The following DLG2 variants were observed in gnomAD, a reference collection of about 807,000 sequenced individuals.
DLG2 encodes discs large MAGUK scaffold protein 2, also known as disks large homolog 2.
A neutral mutation model predicts 132.5 loss-of-function variants in DLG2; 45 were observed. The observed-to-expected ratio is 0.34, with a 90% confidence interval of 0.27 to 0.44. The LOEUF is 0.44. Ranked by LOEUF, DLG2 falls within the 20% of genes least tolerant of loss-of-function variation. DLG2 has a pLI of 1.00. For synonymous variants in DLG2, 424 were observed against 419.6 expected (o/e 1.01, Z -0.13); for missense variants, 1,045 against 1,196.9 (o/e 0.87, Z 1.87).
chr11:84,304,160 T>C (rs1343154754), intron 7 of DLG2, among the ~76,000 whole-genome samples: 1 of 152,166 alleles, frequency 6.6e-6, no homozygotes, highest in Non-Finnish European at 1.5e-5. Flanking sequence ...CAGTCATAAA[T>C]GCAGATAAGT....
intron 3 of DLG2, among the ~76,000 whole-genome samples, chr11:85,415,185 T>G (rs775213430): frequency 2.0e-5 from 3 of 152,174 alleles, no homozygotes; most frequent in African/African-American, 4.8e-5. Flanking sequence ...GCAAGGGGCA[T>G]GAACTCATCC....
intron 7 of DLG2, among the ~76,000 whole-genome samples, chr11:84,470,733 C>T (rs1434776120): frequency 6.6e-6 from 1 of 151,492 alleles, no homozygotes; most frequent in African/African-American, 2.4e-5. Context: ...TTTGAGATGG[C>T]TCGAGTGTGT....
At chr11:83,694,791 C>A (rs987179938) in intron 18 of DLG2, among the ~76,000 whole-genome samples, 1 of 152,180 alleles carries the variant, frequency 6.6e-6, no homozygotes, top group African/African-American at 2.4e-5. Flanking sequence ...GGTTTAACAA[C>A]GGAGCTGGAA....
At chr11:84,107,778 T>G (rs1173738086) in intron 9 of DLG2, among the ~76,000 whole-genome samples, 3 of 152,100 alleles carry the variant, frequency 2.0e-5, no homozygotes, top group African/African-American at 7.2e-5. Context: ...TTAGATGTCT[T>G]TACTCCATAT....
intron 6 of DLG2, among the ~76,000 whole-genome samples, chr11:84,753,349 G>A (rs1031217320): frequency 1.1e-4 from 16 of 152,264 alleles, no homozygotes; most frequent in Non-Finnish European, 5.9e-5. Flanking sequence ...CATAGTGTAG[G>A]TGAGAGATAA....
At chr11:83,470,702 C>T (rs2091919751) in intron 24 of DLG2, among the ~76,000 whole-genome samples, 1 of 152,122 alleles carries the variant, frequency 6.6e-6, no homozygotes, top group African/African-American at 2.4e-5. Flanking sequence ...TCATGAGATA[C>T]AGCAATCATC....
chr11:83,724,892 T>G, intron 18 of DLG2: 1 of 702,518 alleles, frequency 1.4e-6, no homozygotes, highest in Non-Finnish European at 2.6e-6. Flanking sequence ...GTTTTCAGCA[T>G]AGCAGGCAGC....
At chr11:83,588,893 A>T (rs2153276656) in intron 19 of DLG2, among the ~76,000 whole-genome samples, 1 of 151,818 alleles carries the variant, frequency 6.6e-6, no homozygotes, top group East Asian at 1.9e-4. Context: ...GGTATCAGTG[A>T]TGGAAGATGA....
intron 7 of DLG2, among the ~76,000 whole-genome samples, chr11:84,279,217 G>A (rs767206271): frequency 1.3e-5 from 2 of 152,074 alleles, no homozygotes; most frequent in Non-Finnish European, 2.9e-5. Context: ...TATGAAAAAA[G>A]CTCATCATCA....
At chr11:85,453,883 A>G (rs539878037) in intron 3 of DLG2, among the ~76,000 whole-genome samples, 1 of 152,176 alleles carries the variant, frequency 6.6e-6, no homozygotes, top group Admixed American at 6.6e-5. Context: ...TGGTCACCCA[A>G]GTAAGCATAG....
intron 6 of DLG2, among the ~76,000 whole-genome samples, chr11:84,841,295 T>C (rs905122368): frequency 1.3e-5 from 2 of 151,986 alleles, no homozygotes. Flanking sequence ...GTGCCTATTT[T>C]GTTTCCCGAA....
chr11:84,876,817 T>C (rs547217073), intron 6 of DLG2, among the ~76,000 whole-genome samples: 87 of 152,330 alleles, frequency 5.7e-4, no homozygotes, highest in Middle Eastern at 3.4e-3. Context: ...CCAGTGGGCA[T>C]TTAGTGCTAT....
At chr11:85,100,193 A>G (rs2070651662) in intron 6 of DLG2, among the ~76,000 whole-genome samples, 1 of 152,154 alleles carries the variant, frequency 6.6e-6, no homozygotes, top group Non-Finnish European at 1.5e-5. Flanking sequence ...AAGCTGTGAG[A>G]GAGTTCATTG....
intron 10 of DLG2, among the ~76,000 whole-genome samples, chr11:84,060,044 G>T (rs748252872): frequency 5.9e-5 from 9 of 152,150 alleles, no homozygotes; most frequent in Non-Finnish European, 1.2e-4. Context: ...TGGGCGCAGT[G>T]GCTCATGCCT....
intron 4 of DLG2, among the ~76,000 whole-genome samples, chr11:85,271,220 G>A (rs2077508248): frequency 6.6e-6 from 1 of 152,156 alleles, no homozygotes; most frequent in Admixed American, 6.5e-5. Flanking sequence ...TTCAGAGAGT[G>A]GAAGCCCCAA....
At chr11:83,544,148 C>G (rs1252046884) in intron 19 of DLG2, among the ~76,000 whole-genome samples, 1 of 152,188 alleles carries the variant, frequency 6.6e-6, no homozygotes. Flanking sequence ...CTGTGTGACA[C>G]TACTGAGAGA....
At chr11:84,613,410 G>T (rs1435682796) in intron 6 of DLG2, among the ~76,000 whole-genome samples, 1 of 151,942 alleles carries the variant, frequency 6.6e-6, no homozygotes, top group Non-Finnish European at 1.5e-5. Context: ...TCAGAGGAGA[G>T]AATTGCTGAC....
chr11:83,480,333 T>C (rs1345744101), intron 22 of DLG2: 1 of 1,514,808 alleles, frequency 6.6e-7, no homozygotes, highest in African/African-American at 1.4e-5. Flanking sequence ...AATGGGGCAA[T>C]TGCAAAGAAA....
At chr11:83,527,464 A>C (rs2095635415) in intron 21 of DLG2, among the ~76,000 whole-genome samples, 1 of 152,130 alleles carries the variant, frequency 6.6e-6, no homozygotes. Flanking sequence ...GGATTCCAGC[A>C]CTTTGGGAGG....
Sources: gnomAD v4.1 joint callset for allele counts (sites outside exome capture counted in the v4.1 genomes callset) on GRCh38, gnomAD v4.1.1 for gene constraint, MANE v1.5 for transcripts, NCBI Gene and HGNC (gene_info 2026-07-23, HGNC 2026-07-21) for gene names.